The following APP variants were observed in gnomAD, a reference collection of about 807,000 sequenced individuals.
The protein encoded by APP is amyloid-beta precursor protein.
Under a neutral mutation model 101.4 loss-of-function variants are expected in APP, and 31 were observed. The ratio of observed to expected loss-of-function variants is 0.31; its 90% CI spans 0.23 to 0.41. APP has a LOEUF of 0.41. Among genes scored for constraint, APP ranks in the 10% least tolerant of loss-of-function variants. APP has a pLI of 1.00. For missense variants in APP, 839 were observed against 1,003.7 expected, an observed-to-expected ratio of 0.84 and a Z score of 2.22; for synonymous variants, 366 against 364.4, an observed-to-expected ratio of 1.00 and a Z score of -0.05.
chr21:25,936,443 T>C (rs1436500355), intron 13 of APP, among the ~76,000 whole-genome samples: 1 of 152,204 alleles, frequency 6.6e-6, no homozygotes, highest in Admixed American at 6.5e-5. Flanking sequence ...CTCGGGAGGC[T>C]GAGGCACGAG....
chr21:26,167,774 T>C (rs935965629), intron 1 of APP, among the ~76,000 whole-genome samples: 3 of 152,246 alleles, frequency 2.0e-5, no homozygotes, highest in African/African-American at 7.2e-5. Flanking sequence ...TATTATTCCA[T>C]CTAGTAACTT....
intron 1 of APP, among the ~76,000 whole-genome samples, chr21:26,150,871 A>T (rs565916186): frequency 6.6e-6 from 1 of 152,372 alleles, no homozygotes; most frequent in South Asian, 2.1e-4. Context: ...CAACAGTATC[A>T]ACATTTACTC....
intron 11 of APP, among the ~76,000 whole-genome samples, chr21:25,964,849 C>T (rs1345525987): frequency 2.0e-5 from 3 of 152,194 alleles, no homozygotes; most frequent in African/African-American, 7.2e-5. Flanking sequence ...ATCCACCCGC[C>T]TTGGCCTCCC....
At chr21:25,951,791 A>T (rs1286315427) in intron 13 of APP, among the ~76,000 whole-genome samples, 1 of 152,202 alleles carries the variant, frequency 6.6e-6, no homozygotes, top group African/African-American at 2.4e-5. Context: ...AACATGAGGA[A>T]CCTCTAATAA....
intron 1 of APP, among the ~76,000 whole-genome samples, chr21:26,124,299 C>T (rs1488050383): frequency 1.3e-5 from 2 of 152,212 alleles, no homozygotes; most frequent in African/African-American, 4.8e-5. Context: ...ATCCACACCT[C>T]TGTCTTTACC....
intron 6 of APP, among the ~76,000 whole-genome samples, 169 bp downstream of exon 6, chr21:26,021,671 T>C (rs959897826): frequency 2.6e-5 from 4 of 152,140 alleles, no homozygotes; most frequent in Non-Finnish European, 5.9e-5. Flanking sequence ...TTATTTGAAA[T>C]TGTTTGCTTG....
chr21:26,160,343 T>C (rs1470330033), intron 1 of APP, among the ~76,000 whole-genome samples: 1 of 152,214 alleles, frequency 6.6e-6, no homozygotes, highest in Non-Finnish European at 1.5e-5. Flanking sequence ...ACAACAACCA[T>C]AGAATTTTTA....
chr21:26,086,553 C>T (rs1240060455), intron 3 of APP, among the ~76,000 whole-genome samples: 1 of 60,222 alleles, frequency 1.7e-5, no homozygotes, highest in Non-Finnish European at 3.2e-5. Flanking sequence ...ATTTTGTTTG[C>T]TAGGTCAGTA....
At chr21:26,146,694 G>T (rs546497348) in intron 1 of APP, among the ~76,000 whole-genome samples, 1 of 152,302 alleles carries the variant, frequency 6.6e-6, no homozygotes, top group South Asian at 2.1e-4. Context: ...AGCATTCAGC[G>T]CACTATTCTC....
rs949830998 is a variant in APP, at chr21:26,160,692, A to C, written c.57+9872T>G. ...CCAAAAAAAAAGACAATGACAGAGA[A>C]ATTTTCATTTTCATGCCACTAAATT... On this transcript the variant is annotated intron_variant, in intron 1 of 17. Coordinates refer to ENST00000346798, the MANE Select transcript of APP (RefSeq NM_000484.4). Among the ~76,000 whole-genome samples the C allele has an allele frequency of 1.4e-4, 22 of 152,280 alleles. 1 individual carries two copies. In the South Asian group the frequency reaches 4.6e-3, roughly 32 times the overall value.
chr21:26,150,606 C>CAGACAGATAGATAGAT (rs2063246802), intron 1 of APP, among the ~76,000 whole-genome samples: 1 of 148,576 alleles, frequency 6.7e-6, no homozygotes, highest in African/African-American at 2.5e-5. Context: ...TCTAGATAGA[C>CAGACAGATAGATAGAT]AGATAGATAG....
At chr21:25,946,973 CT>C (rs1275597827) in intron 13 of APP, among the ~76,000 whole-genome samples, 5 of 152,056 alleles carry the variant, frequency 3.3e-5, no homozygotes, top group Non-Finnish European at 5.9e-5. Context: ...AAAAAGGAAA[CT>C]TTTTTTACAT....
At chr21:25,911,983 TC>T in intron 13 of APP, 21 bp from the exon 14 acceptor site, 1 of 1,586,524 alleles carries the variant, frequency 6.3e-7, no homozygotes, top group Non-Finnish European at 8.7e-7. Flanking sequence ...CAAAACCATC[TC>T]TTTGGTGAGT....
At chr21:26,003,087 CTAAT>C (rs1231230607) in intron 6 of APP, among the ~76,000 whole-genome samples, 1 of 152,202 alleles carries the variant, frequency 6.6e-6, no homozygotes, top group Admixed American at 6.5e-5. Flanking sequence ...TCCTATACCA[CTAAT>C]TAAACATAAT....
chr21:26,118,741 A>T (rs1032715008), intron 1 of APP, among the ~76,000 whole-genome samples: 5 of 151,752 alleles, frequency 3.3e-5, no homozygotes, highest in African/African-American at 4.8e-5. Context: ...TTTAGTAGAG[A>T]CGGGTTTTTG....
At chr21:26,018,949 C>T (rs1477564243) in intron 6 of APP, among the ~76,000 whole-genome samples, 3 of 152,116 alleles carry the variant, frequency 2.0e-5, no homozygotes, top group African/African-American at 7.2e-5. Flanking sequence ...TCAAATAATA[C>T]TACCTGCAAA....
At position 25,954,726 on chromosome 21, in the gene APP, C is replaced by T. The variant is rs772181353; in HGVS notation, c.1588-37G>A. On this transcript the variant is annotated intron_variant, in intron 12 of 17. Transcript: ENST00000346798. ...GATGACAACTCCAGGTCAACAATGT[C>T]TGGGGGTAGGAATGGTTCTTTTTCT... The T allele has an allele frequency of 2.6e-6, 4 of 1,529,210 alleles. No homozygotes were observed. The Admixed American group carries it at 6.7e-5, about 26-fold the overall frequency. 94.7% of individuals were successfully genotyped at this position (1,529,210 alleles called of 1,614,324 possible).
intron 3 of APP, among the ~76,000 whole-genome samples, chr21:26,059,967 A>C (rs2046208093): frequency 6.6e-6 from 1 of 151,218 alleles, no homozygotes; most frequent in Non-Finnish European, 1.5e-5. Context: ...CAGGTCACAT[A>C]GAGAGTAAAT....
intron 11 of APP, among the ~76,000 whole-genome samples, chr21:25,958,589 T>C (rs1266913319): frequency 6.6e-6 from 1 of 152,056 alleles, no homozygotes; most frequent in Non-Finnish European, 1.5e-5. Flanking sequence ...TAATTATTCA[T>C]GTTAACATAC....
Sources: allele counts gnomAD v4.1 joint callset (sites outside exome capture counted in the v4.1 genomes callset), GRCh38; gene constraint gnomAD v4.1.1; transcripts MANE v1.5; gene names NCBI Gene and HGNC (gene_info 2026-07-23, HGNC 2026-07-21).